Variants in MSRA observed in about 807,000 individuals in gnomAD.
MSRA encodes the protein methionine sulfoxide reductase A, also known as mitochondrial peptide methionine sulfoxide reductase.
MSRA carries 54 observed loss-of-function variants against 31.3 expected under a neutral mutation model. The ratio of observed to expected loss-of-function variants is 1.73; its 90% CI spans 1.39 to 2.17. The LOEUF is 2.17. MSRA is among the 30% of genes most tolerant of loss of function. The pLI, the probability that MSRA is intolerant of heterozygous loss-of-function variation, is 0.00. For missense variants in MSRA, 507 were observed against 300.9 expected, an observed-to-expected ratio of 1.69 and a Z score of -5.07; for synonymous variants, 169 against 116.5, an observed-to-expected ratio of 1.45 and a Z score of -2.90.
chr8:10,313,538 A>AG (rs1242466221), intron 4 of MSRA, among the ~76,000 whole-genome samples: 5 of 152,188 alleles, frequency 3.3e-5, no homozygotes. Context: ...GGCAGCTGGA[A>AG]GATCTAATAT....
chr8:10,096,571 G>T (rs1394543865), intron 1 of MSRA, among the ~76,000 whole-genome samples: 1 of 152,162 alleles, frequency 6.6e-6, no homozygotes, highest in Non-Finnish European at 1.5e-5. Flanking sequence ...ATTTTTGGTT[G>T]ATTAGATTTT....
intron 2 of MSRA, among the ~76,000 whole-genome samples, chr8:10,236,048 G>T (rs1811906243): frequency 6.6e-6 from 1 of 152,098 alleles, no homozygotes. Flanking sequence ...CATCTCAGAA[G>T]AAAGCATGCA....
chr8:10,137,534 A>G (rs1213980088), intron 1 of MSRA, among the ~76,000 whole-genome samples: 3 of 152,246 alleles, frequency 2.0e-5, no homozygotes, highest in East Asian at 1.9e-4. Context: ...AAGGGCTTCT[A>G]TAACAAACGA....
Position 10,266,308 on chromosome 8 carries a change from C to A in MSRA, c.331+21085C>A, listed in dbSNP as rs539389171. On this transcript the variant is annotated intron_variant, in intron 3 of 5. Coordinates refer to ENST00000317173, the MANE Select transcript of MSRA (RefSeq NM_012331.5). The stretch of plus-strand genomic sequence containing the variant: ...GATTGTAACAGGTGTGTAGCCGTAT[C>A]CTACTGTGTTTTTCACTTGCATTTT... 9.3e-4 allele frequency among the ~76,000 whole-genome samples: 141 copies of A among 152,256 alleles called. 1 individual carries two copies. The highest frequency in any genetic ancestry group is 1.7e-3 in the Non-Finnish European group (117 of 68,020).
intron 1 of MSRA, among the ~76,000 whole-genome samples, chr8:10,062,187 A>G (rs1352952157): frequency 5.3e-5 from 8 of 152,300 alleles, no homozygotes; most frequent in South Asian, 4.2e-4. Flanking sequence ...CGTGCCATCA[A>G]TCATCCGTTC....
At chr8:10,320,101 C>T (rs1340274965) in intron 5 of MSRA, 112 bp downstream of exon 5, 2 of 642,664 alleles carry the variant, frequency 3.1e-6, no homozygotes, top group African/African-American at 3.7e-5. Flanking sequence ...TTTATTTGCA[C>T]ATCTCTTAGA....
intron 1 of MSRA, among the ~76,000 whole-genome samples, chr8:10,102,102 G>T (rs1044314362): frequency 7.9e-5 from 12 of 152,076 alleles, no homozygotes; most frequent in African/African-American, 2.9e-4. Flanking sequence ...GTTATGTTGT[G>T]CCTTTTTGTG....
intron 1 of MSRA, among the ~76,000 whole-genome samples, chr8:10,141,646 G>A (rs960568673): frequency 1.3e-5 from 2 of 151,892 alleles, no homozygotes; most frequent in Non-Finnish European, 2.9e-5. Context: ...AGTCAATGCT[G>A]TAGTAGACCT....
intron 1 of MSRA, among the ~76,000 whole-genome samples, chr8:10,112,783 A>G (rs1185393268): frequency 2.0e-5 from 3 of 149,906 alleles, no homozygotes; most frequent in Admixed American, 2.0e-4. Context: ...GGGGTTGGAG[A>G]AGTTTTTCTC....
intron 2 of MSRA, among the ~76,000 whole-genome samples, chr8:10,210,682 C>T (rs975136517): frequency 6.6e-6 from 1 of 152,040 alleles, no homozygotes; most frequent in Non-Finnish European, 1.5e-5. Flanking sequence ...ACCCGTTCTT[C>T]AGCCTTGGAG....
At chr8:10,157,136 G>C (rs1563162398) in intron 1 of MSRA, among the ~76,000 whole-genome samples, 1 of 151,946 alleles carries the variant, frequency 6.6e-6, no homozygotes, top group African/African-American at 2.4e-5. Flanking sequence ...TCATCCTCCA[G>C]TATCATGCTA....
chr8:10,175,297 A>G (rs980955154), intron 1 of MSRA, among the ~76,000 whole-genome samples: 4 of 152,192 alleles, frequency 2.6e-5, no homozygotes, highest in African/African-American at 9.6e-5. Flanking sequence ...ACAATTTAGC[A>G]TGTAACCGTA....
intron 4 of MSRA, among the ~76,000 whole-genome samples, chr8:10,307,748 A>G (rs1563333445): frequency 1.3e-5 from 2 of 152,212 alleles, no homozygotes; most frequent in Non-Finnish European, 2.9e-5. Context: ...CTGCTCCGGT[A>G]TACTCCTTGG....
chr8:10,145,806 G>A (rs28407437), intron 1 of MSRA, among the ~76,000 whole-genome samples: 152,007 of 152,332 alleles, frequency 1, 75,841 homozygotes, highest in Middle Eastern at 1. Context: ...ACACACAGAT[G>A]TACATACACC....
chr8:10,133,403 G>A (rs1333792565), intron 1 of MSRA, among the ~76,000 whole-genome samples: 1 of 152,206 alleles, frequency 6.6e-6, no homozygotes, highest in Non-Finnish European at 1.5e-5. Flanking sequence ...GCCAGCCACT[G>A]CTTGGCTAAC....
intron 3 of MSRA, among the ~76,000 whole-genome samples, chr8:10,256,504 G>A (rs2129090031): frequency 6.6e-6 from 1 of 152,316 alleles, no homozygotes; most frequent in South Asian, 2.1e-4. Flanking sequence ...TGGAGGCCTG[G>A]GTTGAAATGA....
At chr8:10,366,145 C>G (rs1042196569) in intron 5 of MSRA, among the ~76,000 whole-genome samples, 1 of 152,170 alleles carries the variant, frequency 6.6e-6, no homozygotes, top group African/African-American at 2.4e-5. Context: ...GGACGGCTTT[C>G]TAGAGCAGAT....
chr8:10,348,502 C>T (rs903622950), intron 5 of MSRA, among the ~76,000 whole-genome samples: 2 of 151,326 alleles, frequency 1.3e-5, no homozygotes, highest in Non-Finnish European at 1.5e-5. Context: ...TCCAAGTAGC[C>T]GGGACTACAA....
chr8:10,322,441 G>T (rs1306598015), intron 5 of MSRA, among the ~76,000 whole-genome samples: 1 of 152,218 alleles, frequency 6.6e-6, no homozygotes. Context: ...TGGAAGTGGA[G>T]AGTCAATAAG....
Sources: allele counts gnomAD v4.1 joint callset (sites outside exome capture counted in the v4.1 genomes callset), GRCh38; gene constraint gnomAD v4.1.1; transcripts MANE v1.5; gene names NCBI Gene and HGNC (gene_info 2026-07-23, HGNC 2026-07-21).